Variants in HECW1 observed in about 807,000 individuals in gnomAD.
HECW1 encodes HECT, C2 and WW domain containing E3 ubiquitin protein ligase 1, also known as E3 ubiquitin-protein ligase HECW1.
Under a neutral mutation model 182.3 loss-of-function variants are expected in HECW1, and 61 were observed. The ratio of observed to expected loss-of-function variants is 0.33; its 90% CI spans 0.27 to 0.41. The LOEUF is 0.41. Ranked by LOEUF, HECW1 falls within the 10% of genes least tolerant of loss-of-function variation. HECW1 has a pLI of 1.00. For synonymous variants in HECW1, 859 were observed against 832.6 expected, an observed-to-expected ratio of 1.03 and a Z score of -0.55; for missense variants, 1,739 against 2,108.9, an observed-to-expected ratio of 0.82 and a Z score of 3.44.
chr7:43,316,773 T>C (rs1375194902), intron 4 of HECW1, among the ~76,000 whole-genome samples: 2 of 73,966 alleles, frequency 2.7e-5, no homozygotes, highest in Admixed American at 1.3e-4. Context: ...CCCTTTTCTC[T>C]CCTCCCCTCC....
intron 29 of HECW1, among the ~76,000 whole-genome samples, chr7:43,557,113 TAGAA>T (rs1431646966): frequency 2.0e-5 from 3 of 152,116 alleles, no homozygotes; most frequent in African/African-American, 4.8e-5. Flanking sequence ...TATGTGTGGA[TAGAA>T]AGAAAGAACC....
intron 2 of HECW1, among the ~76,000 whole-genome samples, chr7:43,191,942 A>G (rs1468984162): frequency 6.6e-6 from 1 of 151,638 alleles, no homozygotes; most frequent in Non-Finnish European, 1.5e-5. Context: ...TAGAAGAAAT[A>G]AGACCTAGTT....
chr7:43,121,580 G>A (rs1785624938), intron 2 of HECW1, among the ~76,000 whole-genome samples: 1 of 151,902 alleles, frequency 6.6e-6, no homozygotes, highest in Non-Finnish European at 1.5e-5. Flanking sequence ...TATACATATA[G>A]TGATATTTTA....
At chr7:43,507,584 C>G (rs542265216) in intron 22 of HECW1, among the ~76,000 whole-genome samples, 24 of 152,234 alleles carry the variant, frequency 1.6e-4, no homozygotes, top group African/African-American at 5.3e-4. Flanking sequence ...CTCATATTTC[C>G]CTTCACTTAT....
At chr7:43,124,099 C>T (rs1010212225) in intron 2 of HECW1, among the ~76,000 whole-genome samples, 3 of 152,128 alleles carry the variant, frequency 2.0e-5, no homozygotes, top group East Asian at 1.9e-4. Flanking sequence ...CTCCTGACTC[C>T]GTCCTTTTTC....
intron 26 of HECW1, among the ~76,000 whole-genome samples, chr7:43,545,656 A>G (rs1228150633): frequency 6.6e-6 from 1 of 152,232 alleles, no homozygotes; most frequent in Non-Finnish European, 1.5e-5. Context: ...CTGCATGCTT[A>G]CAATAAGGAA....
intron 11 of HECW1, among the ~76,000 whole-genome samples, chr7:43,449,374 G>A (rs944614927): frequency 6.6e-6 from 1 of 152,152 alleles, no homozygotes; most frequent in Non-Finnish European, 1.5e-5. Flanking sequence ...GAGTAACATA[G>A]CAGAATTTGC....
intron 12 of HECW1, among the ~76,000 whole-genome samples, 156 bp downstream of exon 12, chr7:43,451,085 T>C (rs1340517049): frequency 1.3e-5 from 2 of 152,136 alleles, no homozygotes; most frequent in East Asian, 3.8e-4. Flanking sequence ...AAACTGGTGG[T>C]TTTTTGGGGG....
At chr7:43,138,435 AC>A (rs1787800962) in intron 2 of HECW1, among the ~76,000 whole-genome samples, 1 of 152,154 alleles carries the variant, frequency 6.6e-6, no homozygotes, top group African/African-American at 2.4e-5. Context: ...TTAATTAGGA[AC>A]CACCGGGTGG....
chr7:43,220,839 C>T (rs1796879590), intron 2 of HECW1, among the ~76,000 whole-genome samples: 1 of 152,204 alleles, frequency 6.6e-6, no homozygotes, highest in Non-Finnish European at 1.5e-5. Context: ...AGACCAGTTT[C>T]TTGTGAGCTT....
chr7:43,141,594 G>A (rs147885821), intron 2 of HECW1, among the ~76,000 whole-genome samples: 5 of 152,206 alleles, frequency 3.3e-5, no homozygotes, highest in African/African-American at 1.2e-4. Flanking sequence ...CGCCTCCTGG[G>A]TTCAAGCAGT....
At chr7:43,327,945 A>G (rs988510844) in intron 5 of HECW1, among the ~76,000 whole-genome samples, 1 of 149,762 alleles carries the variant, frequency 6.7e-6, no homozygotes, top group Non-Finnish European at 1.5e-5. Flanking sequence ...GACTTTATGT[A>G]GTCTATGAAC....
chr7:43,379,453 T>C (rs748967129), intron 6 of HECW1, among the ~76,000 whole-genome samples: 3 of 152,186 alleles, frequency 2.0e-5, no homozygotes, highest in Non-Finnish European at 4.4e-5. Flanking sequence ...ATCCTGAAAG[T>C]AGCTCCTCCT....
At chr7:43,171,247 G>A (rs1791662097) in intron 2 of HECW1, among the ~76,000 whole-genome samples, 1 of 152,200 alleles carries the variant, frequency 6.6e-6, no homozygotes, top group African/African-American at 2.4e-5. Context: ...GGTGGGAAAT[G>A]TGATTCCACT....
At chr7:43,541,589 T>C (rs1229406357) in intron 25 of HECW1, among the ~76,000 whole-genome samples, 1 of 152,252 alleles carries the variant, frequency 6.6e-6, no homozygotes, top group African/African-American at 2.4e-5. Context: ...ATAGCATAAC[T>C]GTTTTAAAAT....
intron 2 of HECW1, among the ~76,000 whole-genome samples, chr7:43,211,768 A>G (rs1796029340): frequency 6.6e-6 from 1 of 152,220 alleles, no homozygotes; most frequent in African/African-American, 2.4e-5. Flanking sequence ...AACCTTTCTC[A>G]AAATAATAAA....
intron 8 of HECW1, among the ~76,000 whole-genome samples, chr7:43,414,937 C>G (rs7456624): frequency 0.27 from 41,055 of 151,808 alleles, 6,286 homozygotes; most frequent in East Asian, 0.7. Context: ...TGTGTCTCTG[C>G]CCGGCTTTGG....
intron 5 of HECW1, among the ~76,000 whole-genome samples, chr7:43,347,307 T>C (rs2152804004): frequency 6.6e-6 from 1 of 152,288 alleles, no homozygotes; most frequent in South Asian, 2.1e-4. Context: ...GTTGAGTTCT[T>C]GATTTGATTC....
At chr7:43,392,824 A>G (rs370726762) in intron 6 of HECW1, among the ~76,000 whole-genome samples, 9 of 152,320 alleles carry the variant, frequency 5.9e-5, no homozygotes, top group South Asian at 2.1e-4. Flanking sequence ...CAACTGAGCT[A>G]TAGTCTCCGG....
Sources: gnomAD v4.1 joint callset for allele counts (sites outside exome capture counted in the v4.1 genomes callset) on GRCh38, gnomAD v4.1.1 for gene constraint, MANE v1.5 for transcripts, NCBI Gene and HGNC (gene_info 2026-07-23, HGNC 2026-07-21) for gene names.